Variants in PGS1 observed in about 807,000 individuals in gnomAD.
PGS1 encodes the protein phosphatidylglycerophosphate synthase 1, also known as CDP-diacylglycerol--glycerol-3-phosphate 3-phosphatidyltransferase, mitochondrial.
A neutral mutation model predicts 58.3 loss-of-function variants in PGS1; 44 were observed. That is an observed-to-expected ratio of 0.75 (90% CI 0.59 to 0.97). The LOEUF (loss-of-function observed/expected upper bound fraction) is 0.97. PGS1 is among the 50% of genes least tolerant of loss of function. The probability of loss-of-function intolerance (pLI) is 0.00; values close to 1 mark genes in which losing one functional copy is unlikely to be tolerated. For missense variants in PGS1, 684 were observed against 731.1 expected, an observed-to-expected ratio of 0.94 and a Z score of 0.74; for synonymous variants, 330 against 311.0, an observed-to-expected ratio of 1.06 and a Z score of -0.64.
At chr17:78,416,950 C>G (rs1300122208) in intron 8 of PGS1, among the ~76,000 whole-genome samples, 3 of 152,276 alleles carry the variant, frequency 2.0e-5, no homozygotes, top group East Asian at 3.9e-4. Context: ...CTGAAGCTGT[C>G]TCTGGAGATC....
chr17:78,396,337 C>T lies in PGS1; in HGVS notation c.363C>T (p.Val121=), dbSNP rs757346608. The T allele has an allele frequency of 1.9e-5, 31 of 1,613,596 alleles. No homozygotes were observed. In the South Asian group the frequency reaches 2.4e-4, roughly 13 times the overall value. The change falls in exon 3 of 10, where the codon GTC becomes GTT. Residue 121 remains valine, a synonymous_variant. Coordinates refer to ENST00000262764, the MANE Select transcript of PGS1 (RefSeq NM_024419.5). The stretch of plus-strand genomic sequence containing the variant: ...AGATAAGAGTAGCCAAGAGGCGGGT[C>T]GTGATGGCATCCCTCTACCTGGGGA... ...KGQIRVAKRR[V]VMASLYLGTG... is the part of the protein sequence containing the mutation.
At position 78,409,565 on chromosome 17, in the gene PGS1, G is replaced by A. The variant is rs184670068; in HGVS notation, c.1403-5314G>A. Among the ~76,000 whole-genome samples the A allele has an allele frequency of 2.4e-3, 368 of 152,338 alleles. 2 individuals carry two copies. The highest frequency in any genetic ancestry group is 0.021 in the Admixed American group (327 of 15,306). Reference sequence around the variant, plus strand: ...TGGGTGTGGTAGGGGTGCTGTGCCCGTGCAAATTGCTTGCTTCAGGCTGAG... The same window carrying A: ...TGGGTGTGGTAGGGGTGCTGTGCCCATGCAAATTGCTTGCTTCAGGCTGAG... On this transcript the variant is annotated intron_variant, in intron 7 of 9. Coordinates refer to ENST00000262764, the MANE Select transcript of PGS1 (RefSeq NM_024419.5).
chr17:78,393,999 C>T (rs7219625), intron 2 of PGS1, among the ~76,000 whole-genome samples: 70,151 of 151,060 alleles, frequency 0.46, 16,860 homozygotes, highest in Admixed American at 0.53. Context: ...GCCTCGTCAA[C>T]GTGGTGAAAC....
At chr17:78,413,214 G>A (rs1023227717) in intron 7 of PGS1, among the ~76,000 whole-genome samples, 5 of 152,234 alleles carry the variant, frequency 3.3e-5, no homozygotes, top group African/African-American at 9.6e-5. Flanking sequence ...GTAGGGCCTC[G>A]TCACCTCTTA....
chr17:78,379,207 G>A (rs1264058923), intron 1 of PGS1, among the ~76,000 whole-genome samples: 1 of 152,230 alleles, frequency 6.6e-6, no homozygotes, highest in East Asian at 1.9e-4. Context: ...CAGGATGTGA[G>A]TGTCGGAGAG....
intron 7 of PGS1, 64 bp downstream of exon 7, chr17:78,404,153 G>T: frequency 6.9e-7 from 1 of 1,446,560 alleles, no homozygotes; most frequent in South Asian, 1.4e-5. Context: ...GCAGGGGGTG[G>T]GGAGCCCTGG....
intron 4 of PGS1, 41 bp from the exon 5 acceptor site, chr17:78,399,307 C>A (rs749949137): frequency 1.9e-6 from 3 of 1,545,944 alleles, no homozygotes; most frequent in Admixed American, 3.4e-5. Context: ...AGGACGCCTT[C>A]CTGTTGTGAG....
Position 78,403,708 on chromosome 17 carries a change from G to A in PGS1, c.1021G>A (p.Gly341Arg), listed in dbSNP as rs774193302. The change falls in exon 7 of 10, where the codon GGG (glycine) becomes AGG (arginine). Residue 341 changes from glycine (G) to arginine (R), a missense_variant. Coordinates refer to ENST00000262764, the MANE Select transcript of PGS1 (RefSeq NM_024419.5). ...LLTQEDAAAA[G>R]DRRPAPDTWI... is the part of the protein sequence containing the mutation. ...GACCCAGGAAGATGCAGCAGCTGCT[G>A]GGGATCGCAGACCAGCCCCTGACAC... 4 of 1,614,208 alleles carry A rather than the reference G, an allele frequency of 2.5e-6. No homozygotes were observed. The South Asian group carries it at 4.4e-5, about 18-fold the overall frequency.
chr17:78,398,405 C>A, intron 4 of PGS1, 54 bp downstream of exon 4: 1 of 1,203,326 alleles, frequency 8.3e-7, no homozygotes, highest in Non-Finnish European at 1.2e-6. Flanking sequence ...ATCCTCAGTC[C>A]CAAGAGGGGT....
At position 78,399,506 on chromosome 17, in the gene PGS1, T is replaced by A; in HGVS notation, c.670T>A (p.Tyr224Asn). ...ETIGLQHIKV[Y>N]LFDNSVILSG... ...CATCGGCCTCCAGCACATTAAGGTG[T>A]ACCTCTTCGACAACAGCGTCATCTT... is the stretch of plus-strand genomic sequence containing the variant. The change falls in exon 5 of 10, where the codon TAC becomes AAC. Residue 224 changes from tyrosine to asparagine, a missense_variant. Physicochemically the swap from Tyr to Asn is moderately radical, Grantham distance 143. Transcript: ENST00000262764. 1 of 1,614,194 alleles carries A rather than the reference T, an allele frequency of 6.2e-7. No individual in the cohort carries two copies. The highest frequency in any genetic ancestry group is 8.5e-7 in the Non-Finnish European group (1 of 1,180,042).
intron 1 of PGS1, among the ~76,000 whole-genome samples, chr17:78,389,053 CTTTTTTTTTTT>C (rs5822252): frequency 1.0e-5 from 1 of 96,008 alleles, no homozygotes. Flanking sequence ...CCTCTTCTTC[CTTTTTTTTTTT>C]TTTTTTTTTT....
At chr17:78,423,821 T>G in intron 9 of PGS1, 1 of 1,521,882 alleles carries the variant, frequency 6.6e-7, no homozygotes, top group Non-Finnish European at 8.9e-7. Context: ...CACCAGTTCC[T>G]GTAAAGAATA....
intron 9 of PGS1, 87 bp downstream of exon 9, chr17:78,419,762 C>T (rs1182928423): frequency 3.8e-6 from 6 of 1,580,524 alleles, no homozygotes; most frequent in Non-Finnish European, 5.2e-6. Context: ...ACCAGAGCTT[C>T]CAGAGGGCTC....
At chr17:78,385,309 G>T (rs1314222707) in intron 1 of PGS1, among the ~76,000 whole-genome samples, 24 of 143,278 alleles carry the variant, frequency 1.7e-4, no homozygotes, top group African/African-American at 5.8e-4. Flanking sequence ...TTTTTTTTGA[G>T]ATGGAGTCTC....
Position 78,398,275 on chromosome 17 carries a change from A to G in PGS1, c.435A>G (p.Leu145=). 6.2e-7 allele frequency: 1 copy of G among 1,613,466 alleles called. No individual in the cohort carries two copies. Among genetic ancestry groups the G allele is most frequent in the Non-Finnish European group, 8.5e-7 (1 of 1,179,406 alleles). ...QELVDCLEST[L]EKSLQAKFPS... ...AGGTGGACTGCCTGGAAAGTACTCT[A>G]GAAAAGTCACTCCAAGCAAAGTTTC... Residue 145 remains leucine (L), a synonymous_variant, in exon 4 of 10, where the codon CTA becomes CTG. Transcript: ENST00000262764.
intron 9 of PGS1, chr17:78,421,069 C>T (rs576472537): frequency 6.6e-6 from 1 of 152,300 alleles, no homozygotes; most frequent in Non-Finnish European, 1.5e-5. Context: ...TTTTCCCTAG[C>T]AATTTATTTT....
chr17:78,403,523 C>T, intron 6 of PGS1, 45 bp from the exon 7 acceptor site: 2 of 1,581,290 alleles, frequency 1.3e-6, no homozygotes, highest in Non-Finnish European at 1.7e-6. Context: ...AGAGTCCAGA[C>T]CCTCCATTTC....
chr17:78,420,054 A>G (rs1321625275), intron 9 of PGS1: 2 of 1,083,146 alleles, frequency 1.8e-6, no homozygotes, highest in African/African-American at 1.7e-5. Flanking sequence ...ACACTGGTGC[A>G]GGAGATGTAG....
chr17:78,416,782 A>G (rs2085227644), intron 8 of PGS1, among the ~76,000 whole-genome samples: 1 of 152,190 alleles, frequency 6.6e-6, no homozygotes, highest in African/African-American at 2.4e-5. Flanking sequence ...GTTTCCAGAT[A>G]ATTCCACCTA....
Sources: allele counts gnomAD v4.1 joint callset (sites outside exome capture counted in the v4.1 genomes callset), GRCh38; gene constraint gnomAD v4.1.1; transcripts MANE v1.5; gene names NCBI Gene and HGNC (gene_info 2026-07-23, HGNC 2026-07-21).